Variants in GAREM1 observed in about 807,000 individuals in gnomAD.
The protein encoded by GAREM1 is GRB2-associated and regulator of MAPK protein 1.
A neutral mutation model predicts 71.3 loss-of-function variants in GAREM1; 26 were observed. That is an observed-to-expected ratio of 0.36 (90% CI 0.27 to 0.51). The LOEUF is 0.51. GAREM1 is among the 20% of genes least tolerant of loss of function. The pLI is 0.95. For synonymous variants in GAREM1, 440 were observed against 433.2 expected (o/e 1.02, Z -0.20); for missense variants, 1,026 against 1,103.1 (o/e 0.93, Z 0.99).
chr18:32,310,338 A>T lies in GAREM1; in HGVS notation c.263-15T>A. The T allele has an allele frequency of 6.2e-7, 1 of 1,613,726 alleles. No individual in the cohort carries two copies. The highest frequency in any genetic ancestry group is 1.7e-5 in the Admixed American group (1 of 59,976). Reference sequence around the variant, plus strand: ...CTTGAATTGCCCTAAAACACAGGATAAACAGAAGAGATCTAAGATGTTTAT... The same window carrying T: ...CTTGAATTGCCCTAAAACACAGGATTAACAGAAGAGATCTAAGATGTTTAT... On this transcript the variant is annotated splice_polypyrimidine_tract_variant and intron_variant, in intron 2 of 5. Coordinates refer to ENST00000269209, the MANE Select transcript of GAREM1 (RefSeq NM_001242409.2).
At chr18:32,449,153 A>C (rs1166758390) in intron 1 of GAREM1, among the ~76,000 whole-genome samples, 1 of 152,188 alleles carries the variant, frequency 6.6e-6, no homozygotes, top group Non-Finnish European at 1.5e-5. Flanking sequence ...TATGTCAAAG[A>C]GCTCTTGAGA....
chr18:32,435,805 T>C (rs138022752), intron 1 of GAREM1, among the ~76,000 whole-genome samples: 110 of 152,306 alleles, frequency 7.2e-4, no homozygotes, highest in Admixed American at 1.2e-3. Flanking sequence ...AGGTGAGAAG[T>C]ATTCGTGTTT....
chr18:32,446,961 A>G (rs13380944), intron 1 of GAREM1, among the ~76,000 whole-genome samples: 32,718 of 152,154 alleles, frequency 0.22, 4,696 homozygotes, highest in East Asian at 0.41. Context: ...CTTATTAAAG[A>G]ACGTTTACTG....
At chr18:32,440,668 A>G (rs1307028005) in intron 1 of GAREM1, among the ~76,000 whole-genome samples, 3 of 152,192 alleles carry the variant, frequency 2.0e-5, no homozygotes, top group Non-Finnish European at 4.4e-5. Context: ...GCCTGTGCAT[A>G]CCCATAGAAC....
At chr18:32,465,775 G>T (rs749851596) in intron 1 of GAREM1, among the ~76,000 whole-genome samples, 1 of 152,136 alleles carries the variant, frequency 6.6e-6, no homozygotes, top group African/African-American at 2.4e-5. Flanking sequence ...ATTTCCAAAC[G>T]TACTCTTGTT....
At chr18:32,327,221 T>C (rs770957416) in intron 2 of GAREM1, among the ~76,000 whole-genome samples, 1 of 152,204 alleles carries the variant, frequency 6.6e-6, no homozygotes, top group Non-Finnish European at 1.5e-5. Flanking sequence ...GCCAGAGATA[T>C]TGGAAGGCTA....
chr18:32,383,077 T>G (rs1197949086), intron 2 of GAREM1, among the ~76,000 whole-genome samples: 1 of 152,210 alleles, frequency 6.6e-6, no homozygotes, highest in Non-Finnish European at 1.5e-5. Flanking sequence ...AAAAGCTCTG[T>G]GTTTATTTTG....
chr18:32,343,311 G>GTTTTTTTGTTTTTGTTTTT (rs2047664721), intron 2 of GAREM1, among the ~76,000 whole-genome samples: 13 of 118,870 alleles, frequency 1.1e-4, no homozygotes, highest in African/African-American at 4.4e-4. Flanking sequence ...CTCCCCCACT[G>GTTTTTTTGTTTTTGTTTTT]TTTTTTTTTT....
intron 3 of GAREM1, among the ~76,000 whole-genome samples, chr18:32,289,072 G>GT (rs1276570232): frequency 1.3e-5 from 2 of 151,990 alleles, no homozygotes; most frequent in African/African-American, 2.4e-5. Context: ...GCATATATTT[G>GT]TTTTTTTGTT....
At chr18:32,310,419 T>G in intron 2 of GAREM1, 96 bp from the exon 3 acceptor site, 3 of 1,261,554 alleles carry the variant, frequency 2.4e-6, no homozygotes, top group Admixed American at 2.4e-5. Context: ...CAGCCCTTTT[T>G]TTGTCAAAGA....
chr18:32,451,718 CCAG>C (rs1441019828), intron 1 of GAREM1, among the ~76,000 whole-genome samples: 1 of 152,120 alleles, frequency 6.6e-6, no homozygotes, highest in African/African-American at 2.4e-5. Context: ...TCCAAAATGA[CCAG>C]AATAACCCTT....
intron 1 of GAREM1, chr18:32,412,469 T>C (rs1213194334): frequency 1.3e-6 from 2 of 1,592,222 alleles, no homozygotes; most frequent in Admixed American, 3.3e-5. Flanking sequence ...TGCCACCATA[T>C]CTACCACCAG....
chr18:32,375,856 C>T (rs550902300), intron 2 of GAREM1, among the ~76,000 whole-genome samples: 50 of 152,248 alleles, frequency 3.3e-4, no homozygotes, highest in African/African-American at 1.1e-3. Flanking sequence ...ATTGGGGCAG[C>T]GGTCTTCATA....
intron 1 of GAREM1, among the ~76,000 whole-genome samples, chr18:32,439,447 T>C (rs1039635520): frequency 2.0e-5 from 3 of 152,142 alleles, no homozygotes; most frequent in African/African-American, 7.2e-5. Context: ...CTTCCTGTGA[T>C]TGCTTAAGTC....
At chr18:32,357,898 C>G (rs2047821464) in intron 2 of GAREM1, among the ~76,000 whole-genome samples, 1 of 152,080 alleles carries the variant, frequency 6.6e-6, no homozygotes, top group South Asian at 2.1e-4. Flanking sequence ...ATTAGTGGTG[C>G]CTTGAATTCT....
Position 32,393,589 on chromosome 18 carries a change from C to T in GAREM1, c.122-554G>A, listed in dbSNP as rs1484237731. On this transcript the variant is annotated intron_variant, in intron 1 of 5. Coordinates refer to ENST00000269209, the MANE Select transcript of GAREM1 (RefSeq NM_001242409.2). The stretch of plus-strand genomic sequence containing the variant: ...GCTACAAAAATAAATAATCTTATCT[C>T]TGTTGAAAGAGTACTTGAAATTAAA... Among the ~76,000 whole-genome samples the T allele has an allele frequency of 2.6e-5, 4 of 152,266 alleles. No individual in the cohort carries two copies. In the South Asian group the frequency reaches 6.2e-4, roughly 24 times the overall value.
chr18:32,389,868 AC>A (rs1937767747), intron 2 of GAREM1, among the ~76,000 whole-genome samples: 1 of 152,178 alleles, frequency 6.6e-6, no homozygotes, highest in African/African-American at 2.4e-5. Flanking sequence ...TCCATTTTAC[AC>A]GGTAATCAAA....
intron 2 of GAREM1, among the ~76,000 whole-genome samples, chr18:32,373,261 CTCTT>C (rs1475023265): frequency 2.0e-5 from 3 of 152,122 alleles, no homozygotes; most frequent in Non-Finnish European, 4.4e-5. Context: ...CAAAACTCAA[CTCTT>C]TCTGAATATA....
At chr18:32,393,989 A>C (rs2048227577) in intron 1 of GAREM1, among the ~76,000 whole-genome samples, 1 of 152,242 alleles carries the variant, frequency 6.6e-6, no homozygotes, top group South Asian at 2.1e-4. Context: ...ATGGCATTTT[A>C]GATCTCTCAA....
Sources: gnomAD v4.1 joint callset for allele counts (sites outside exome capture counted in the v4.1 genomes callset) on GRCh38, gnomAD v4.1.1 for gene constraint, MANE v1.5 for transcripts, NCBI Gene and HGNC (gene_info 2026-07-23, HGNC 2026-07-21) for gene names.